Variants in MYO6 observed in about 807,000 individuals in gnomAD.
MYO6 encodes the protein unconventional myosin-VI.
In MYO6, 74 loss-of-function variants were observed where a neutral mutation model predicts 178.7. That is an observed-to-expected ratio of 0.41 (90% confidence interval 0.34 to 0.50). The LOEUF (loss-of-function observed/expected upper bound fraction) is 0.50, where lower values mean the gene tolerates loss of function less well. Among genes scored for constraint, MYO6 ranks in the 20% least tolerant of loss-of-function variants. The pLI, the probability that MYO6 is intolerant of heterozygous loss-of-function variation, is 0.09. For synonymous variants in MYO6, 477 were observed against 504.6 expected, an observed-to-expected ratio of 0.95 and a Z score of 0.73; for missense variants, 1,330 against 1,547.4, an observed-to-expected ratio of 0.86 and a Z score of 2.36.
chr6:75,788,003 C>G (rs1215145461), intron 1 of MYO6, among the ~76,000 whole-genome samples: 1 of 151,530 alleles, frequency 6.6e-6, no homozygotes, highest in Non-Finnish European at 1.5e-5. Context: ...TCAAGTAATT[C>G]TCCTACCTTG....
intron 19 of MYO6, 75 bp downstream of exon 19, chr6:75,870,760 T>G (rs1777079810): frequency 5.0e-6 from 6 of 1,206,984 alleles, no homozygotes; most frequent in Non-Finnish European, 7.3e-6. Flanking sequence ...CAAGTAGGCA[T>G]AGTAACCCTG....
intron 5 of MYO6, among the ~76,000 whole-genome samples, chr6:75,831,012 G>C (rs1175294511): frequency 6.6e-6 from 1 of 152,088 alleles, no homozygotes; most frequent in African/African-American, 2.4e-5. Flanking sequence ...CTTGCATCAG[G>C]GGTTTATAAA....
rs1464717097 is a variant in MYO6, at chr6:75,866,554, A to G, written c.1703A>G (p.His568Arg). The change falls in exon 17 of 35, where the codon CAT (histidine) becomes CGT (arginine). Residue 568 changes from histidine (H) to arginine (R), a missense_variant. Physicochemically the swap from His to Arg is conservative, Grantham distance 29. Transcript: ENST00000369977. ...TIPRKSKLAV[H>R]RNIRDDEGFI... Reference sequence around the variant, plus strand: ...CCCAGAAAATCTAAGCTGGCAGTTCATAGGAATATCAGAGACGACGAAGGC... The same window carrying G: ...CCCAGAAAATCTAAGCTGGCAGTTCGTAGGAATATCAGAGACGACGAAGGC... The G allele has an allele frequency of 6.2e-7, 1 of 1,613,986 alleles. No individual in the cohort carries two copies.
intron 10 of MYO6, among the ~76,000 whole-genome samples, chr6:75,847,603 C>A (rs1307648070): frequency 6.6e-6 from 1 of 151,842 alleles, no homozygotes; most frequent in Non-Finnish European, 1.5e-5. Flanking sequence ...ATTTTCTTCT[C>A]ATTTTTTCTG....
At chr6:75,892,930 A>T (rs966670393) in intron 28 of MYO6, among the ~76,000 whole-genome samples, 1 of 152,196 alleles carries the variant, frequency 6.6e-6, no homozygotes, top group Non-Finnish European at 1.5e-5. Context: ...ACTAATGAGT[A>T]CTCTATTAAG....
At chr6:75,901,071 C>G (rs1779734753) in intron 30 of MYO6, among the ~76,000 whole-genome samples, 1 of 152,140 alleles carries the variant, frequency 6.6e-6, no homozygotes, top group South Asian at 2.1e-4. Context: ...TCTGAGGGCT[C>G]TGTTCTGTTG....
intron 22 of MYO6, among the ~76,000 whole-genome samples, chr6:75,880,732 C>T (rs1777943964): frequency 1.3e-5 from 2 of 152,222 alleles, no homozygotes; most frequent in East Asian, 1.9e-4. Flanking sequence ...TCTTTTCTCT[C>T]GTTATGTTAC....
At chr6:75,859,649 C>A (rs929903953) in intron 14 of MYO6, among the ~76,000 whole-genome samples, 13 of 149,580 alleles carry the variant, frequency 8.7e-5, no homozygotes, top group African/African-American at 2.7e-4. Flanking sequence ...CGCATCCCTG[C>A]CTTTGGCATC....
At chr6:75,859,386 G>C (rs1032835134) in intron 14 of MYO6, among the ~76,000 whole-genome samples, 1 of 150,136 alleles carries the variant, frequency 6.7e-6, no homozygotes, top group East Asian at 1.9e-4. Flanking sequence ...TGCAGCCTCC[G>C]TTTCCCGGGT....
intron 6 of MYO6, among the ~76,000 whole-genome samples, chr6:75,833,524 A>G (rs901697742): frequency 2.0e-5 from 3 of 152,310 alleles, no homozygotes; most frequent in African/African-American, 7.2e-5. Context: ...GAATTTAACT[A>G]CTTTAGCTAT....
In MYO6 at chr6:75,886,887, G is replaced by A. The variant is rs141001041; in HGVS notation, c.2551G>A (p.Asp851Asn). ...VKVGTLKKRLDKFNEVVSVLK... is the reference protein window; with the variant it reads ...VKVGTLKKRLNKFNEVVSVLK... ...GGTGGGCACACTGAAAAAACGACTT[G>A]ATAAATTTAATGAGGTAGTCAGTGT... is the stretch of plus-strand genomic sequence containing the variant. Residue 851 changes from aspartate to asparagine, a missense_variant, in exon 25 of 35, where the codon GAT becomes AAT. By Grantham distance (23) the Asp-to-Asn change is conservative. This residue lies in a region of MYO6 where 601 missense variants were observed against 626.1 expected (regional missense o/e 0.96). Transcript: ENST00000369977. The A allele has an allele frequency of 4.3e-6, 7 of 1,613,602 alleles. No individual in the cohort carries two copies. The African/African-American group carries it at 8.0e-5, about 18-fold the overall frequency.
chr6:75,884,374 C>T (rs1439955931), intron 23 of MYO6, among the ~76,000 whole-genome samples: 2 of 152,170 alleles, frequency 1.3e-5, no homozygotes, highest in East Asian at 3.8e-4. Context: ...TTTTTCAGGA[C>T]ATACCTATTC....
At chr6:75,825,853 A>G (rs1318653369) in intron 3 of MYO6, among the ~76,000 whole-genome samples, 2 of 152,120 alleles carry the variant, frequency 1.3e-5, no homozygotes, top group Admixed American at 1.3e-4. Flanking sequence ...ACTTTTGTAT[A>G]TGTTATATAT....
At chr6:75,897,740 A>C (rs1047372367) in intron 29 of MYO6, among the ~76,000 whole-genome samples, 3 of 152,264 alleles carry the variant, frequency 2.0e-5, no homozygotes, top group Non-Finnish European at 4.4e-5. Flanking sequence ...GAATTAAACA[A>C]AATTTGATAA....
chr6:75,804,055 G>A (rs1055292604), intron 1 of MYO6, among the ~76,000 whole-genome samples: 2 of 152,198 alleles, frequency 1.3e-5, no homozygotes, highest in Admixed American at 1.3e-4. Flanking sequence ...TGACATGCCT[G>A]ACTAATGTTC....
At chr6:75,853,385 A>G (rs1775452348) in intron 11 of MYO6, among the ~76,000 whole-genome samples, 1 of 152,114 alleles carries the variant, frequency 6.6e-6, no homozygotes, top group African/African-American at 2.4e-5. Context: ...TGATTTTGGT[A>G]TTATATCAAA....
chr6:75,891,380 C>T lies in MYO6; in HGVS notation c.2946+74C>T. ...GGGTGTGGTGGCTCATGCCTGTAAT[C>T]CCAGCTCTTTGGGAGGCCGAGGCGG... On this transcript the variant is annotated intron_variant, in intron 27 of 34. Coordinates refer to ENST00000369977, the MANE Select transcript of MYO6 (RefSeq NM_004999.4). 3 of 1,160,500 alleles carry T rather than the reference C, an allele frequency of 2.6e-6. No individual in the cohort carries two copies. In the South Asian group the frequency reaches 3.8e-5, roughly 15 times the overall value. The allele number at this position is 1,160,500 out of a possible 1,614,324, so 71.9% of individuals were successfully genotyped here.
At chr6:75,845,955 C>A (rs1167700218) in intron 10 of MYO6, among the ~76,000 whole-genome samples, 1 of 150,580 alleles carries the variant, frequency 6.6e-6, no homozygotes, top group Non-Finnish European at 1.5e-5. Context: ...CCACTGTACT[C>A]CAGCCTGGGC....
chr6:75,821,739 G>A (rs1413644476), intron 2 of MYO6, among the ~76,000 whole-genome samples: 1 of 152,094 alleles, frequency 6.6e-6, no homozygotes, highest in Non-Finnish European at 1.5e-5. Context: ...AGCCACAAGA[G>A]TAATTGTCAT....
Sources: allele counts gnomAD v4.1 joint callset (sites outside exome capture counted in the v4.1 genomes callset), GRCh38; gene constraint gnomAD v4.1.1; regional missense constraint gnomAD v4.1.1; transcripts MANE v1.5; gene names NCBI Gene and HGNC (gene_info 2026-07-23, HGNC 2026-07-21).